Variants in PTAFR observed in about 807,000 individuals in gnomAD.
PTAFR encodes platelet-activating factor receptor.
A neutral mutation model predicts 14.7 loss-of-function variants in PTAFR; 8 were observed. The ratio of observed to expected loss-of-function variants is 0.54; its 90% CI spans 0.32 to 0.98. The LOEUF (loss-of-function observed/expected upper bound fraction) is 0.98. Among genes scored for constraint, PTAFR ranks in the 50% least tolerant of loss-of-function variants. The pLI is 0.04. For missense variants in PTAFR, 337 were observed against 451.2 expected, an observed-to-expected ratio of 0.75 and a Z score of 2.29; for synonymous variants, 156 against 176.5, an observed-to-expected ratio of 0.88 and a Z score of 0.92.
chr1:28,163,125 G>C (rs1163043459), intron 1 of PTAFR, among the ~76,000 whole-genome samples: 1 of 152,058 alleles, frequency 6.6e-6, no homozygotes, highest in Non-Finnish European at 1.5e-5. Flanking sequence ...GCCTGCTTTT[G>C]CCTATTGCTT....
rs1557684073 is a variant in PTAFR at position 28,150,695 on chromosome 1, G to A, written c.327C>T (p.Gly109=). ...INTYCSVAFL[G]VITYNRFQAV... is the part of the protein sequence containing the mutation. Reference sequence around the variant, plus strand: ...CCTGGAAGCGGTTATAAGTGATGACGCCCAGGAAGGCCACAGAGCAGTAGG... The same window carrying A: ...CCTGGAAGCGGTTATAAGTGATGACACCCAGGAAGGCCACAGAGCAGTAGG... The change falls in exon 2 of 2, where the codon GGC becomes GGT. Residue 109 remains glycine, a synonymous_variant. Transcript: ENST00000373857. This position sits in a 1 kb window ranked among gnomAD's most constrained non-coding sequence, Gnocchi z 6.3. 1.2e-5 allele frequency: 19 copies of A among 1,614,112 alleles called. No individual in the cohort carries two copies. The highest frequency in any genetic ancestry group is 1.4e-5 in the Non-Finnish European group (17 of 1,180,030).
At chr1:28,177,853 G>A (rs574472247), upstream of PTAFR, among the ~76,000 whole-genome samples, 3 of 152,178 alleles carry the variant, frequency 2.0e-5, no homozygotes, top group African/African-American at 7.2e-5. Flanking sequence ...GAGTGTAGGT[G>A]TGAGGGTATG....
intron 1 of PTAFR, among the ~76,000 whole-genome samples, chr1:28,160,250 A>G (rs932679603): frequency 2.6e-5 from 4 of 151,678 alleles, no homozygotes; most frequent in African/African-American, 7.3e-5. Context: ...AAAAAAAAAA[A>G]GACATTTGGG....
intron 1 of PTAFR, among the ~76,000 whole-genome samples, chr1:28,165,121 G>A (rs1457678852): frequency 6.6e-6 from 1 of 152,116 alleles, no homozygotes; most frequent in Non-Finnish European, 1.5e-5. Flanking sequence ...AACTTAACCA[G>A]CCAGGCACGA....
At chr1:28,167,387 G>T (rs941724675) in intron 1 of PTAFR, among the ~76,000 whole-genome samples, 1 of 152,108 alleles carries the variant, frequency 6.6e-6, no homozygotes. Context: ...TCAGAGAAAT[G>T]CAAATTGAAA....
intron 1 of PTAFR, among the ~76,000 whole-genome samples, chr1:28,184,884 C>G (rs1046520593): frequency 6.6e-6 from 1 of 152,152 alleles, no homozygotes; most frequent in African/African-American, 2.4e-5. Flanking sequence ...AAGTGATCCA[C>G]CTACCTCGGC....
At chr1:28,186,034 G>A (rs1646603427) in intron 1 of PTAFR, among the ~76,000 whole-genome samples, 1 of 152,088 alleles carries the variant, frequency 6.6e-6, no homozygotes, top group African/African-American at 2.4e-5. Flanking sequence ...CTGGAGTGCA[G>A]TGGCGCCATC....
At chr1:28,166,859 T>G (rs1646391286) in intron 1 of PTAFR, among the ~76,000 whole-genome samples, 1 of 152,022 alleles carries the variant, frequency 6.6e-6, no homozygotes, top group South Asian at 2.1e-4. Flanking sequence ...GCACCTGTAG[T>G]CTCAGCTATT....
rs529496981 is a variant in PTAFR at position 28,162,170 on chromosome 1, T to C, written c.-38-11111A>G. Among the ~76,000 whole-genome samples, 20 of 152,260 alleles carry C rather than the reference T, an allele frequency of 1.3e-4. No individual in the cohort carries two copies. The South Asian group carries it at 3.9e-3, about 30-fold the overall frequency. ...AGGCAAGTAACATGATCGGACTCGC[T>C]CTAGCTGTCAGGTAGAGAATAGATG... On this transcript the variant is annotated intron_variant, in intron 1 of 1. Coordinates refer to ENST00000373857, the MANE Select transcript of PTAFR (RefSeq NM_000952.5).
intron 1 of PTAFR, among the ~76,000 whole-genome samples, chr1:28,170,827 T>C (rs1646445397): frequency 6.6e-6 from 1 of 151,340 alleles, no homozygotes; most frequent in Non-Finnish European, 1.5e-5. Context: ...GGTAAAACCC[T>C]GTCTCTACTA....
At chr1:28,182,959 G>A (rs1472036575) in intron 1 of PTAFR, among the ~76,000 whole-genome samples, 2 of 152,168 alleles carry the variant, frequency 1.3e-5, no homozygotes, top group African/African-American at 4.8e-5. Context: ...GGGATTACAG[G>A]TGCGAGCCAC....
At chr1:28,190,349 C>A (rs1646642439) in intron 1 of PTAFR, among the ~76,000 whole-genome samples, 2 of 152,160 alleles carry the variant, frequency 1.3e-5, no homozygotes, top group Non-Finnish European at 2.9e-5. Flanking sequence ...AAGACAAATT[C>A]AGGATATGAT....
At chr1:28,156,221 C>A (rs1321440251) in intron 1 of PTAFR, among the ~76,000 whole-genome samples, 1 of 151,552 alleles carries the variant, frequency 6.6e-6, no homozygotes, top group Non-Finnish European at 1.5e-5. Context: ...CGAGATCATG[C>A]CATTGCATTC....
chr1:28,178,827 C>T (rs1340249778), upstream of PTAFR, among the ~76,000 whole-genome samples: 3 of 152,208 alleles, frequency 2.0e-5, no homozygotes, highest in Middle Eastern at 3.4e-3. Flanking sequence ...TGCGTCCATA[C>T]TGCTCCACAC....
intron 1 of PTAFR, among the ~76,000 whole-genome samples, chr1:28,172,725 G>A (rs553820981): frequency 2.8e-4 from 42 of 152,302 alleles, no homozygotes; most frequent in African/African-American, 7.9e-4. Flanking sequence ...GGGGTTAGCC[G>A]GAGAGAAAGC....
At chr1:28,175,796 C>T (rs897852846) in intron 1 of PTAFR, among the ~76,000 whole-genome samples, 8 of 152,226 alleles carry the variant, frequency 5.3e-5, no homozygotes, top group African/African-American at 1.7e-4. Flanking sequence ...TTATATGACC[C>T]GACAATTCTG....
intron 1 of PTAFR, among the ~76,000 whole-genome samples, chr1:28,154,606 G>A (rs577756404): frequency 2.0e-5 from 3 of 152,196 alleles, no homozygotes; most frequent in South Asian, 4.1e-4. Context: ...GAGCTTAGGA[G>A]TTCGAGACCA....
rs369434148 is a variant in PTAFR, at chr1:28,153,931, G to A, written c.-38-2872C>T. Among the ~76,000 whole-genome samples, 7 of 152,062 alleles carry A rather than the reference G, an allele frequency of 4.6e-5. No individual in the cohort carries two copies. In the East Asian group the frequency reaches 9.7e-4, roughly 21 times the overall value. On this transcript the variant is annotated intron_variant, in intron 1 of 1. Coordinates refer to ENST00000373857, the MANE Select transcript of PTAFR (RefSeq NM_000952.5). ...TAGCAAGGCGTGGTGGTGCTTGCCT[G>A]TAGTCCTAGCTACTTGGGAGGCTGA...
intron 1 of PTAFR, among the ~76,000 whole-genome samples, chr1:28,182,878 A>G (rs1367594403): frequency 6.6e-6 from 1 of 152,054 alleles, no homozygotes; most frequent in East Asian, 1.9e-4. Context: ...ATGGGGTTTC[A>G]CCATGTTGGC....
Sources: gnomAD v4.1 joint callset for allele counts (sites outside exome capture counted in the v4.1 genomes callset) on GRCh38, gnomAD v4.1.1 for gene constraint, Gnocchi (gnomAD v3.1) non-coding constraint, MANE v1.5 for transcripts, NCBI Gene and HGNC (gene_info 2026-07-23, HGNC 2026-07-21) for gene names.